AFF2: variants seen among roughly 807,000 people sequenced by gnomAD.
AFF2 encodes the protein ALF transcription elongation factor 2, also known as AF4/FMR2 family member 2.
In AFF2, 14 loss-of-function variants were observed where a neutral mutation model predicts 76.9. The ratio of observed to expected loss-of-function variants is 0.18; its 90% confidence interval spans 0.12 to 0.28. The LOEUF (loss-of-function observed/expected upper bound fraction) is 0.28, where lower values mean the gene tolerates loss of function less well. AFF2 is among the 10% of genes least tolerant of loss of function. The pLI, the probability that AFF2 is intolerant of heterozygous loss-of-function variation, is 1.00. For synonymous variants in AFF2, 398 were observed against 366.7 expected (o/e 1.09, Z -0.98); for missense variants, 868 against 1,001.1 (o/e 0.87, Z 1.79).
At chrX:148,594,580 A>T (rs782383107) in intron 1 of AFF2, among the ~76,000 whole-genome samples, 1 of 111,750 alleles carries the variant, frequency 8.9e-6, no homozygotes, top group South Asian at 3.7e-4. Flanking sequence ...AAATTTCAGA[A>T]GCTGGAAAGC....
intron 7 of AFF2, among the ~76,000 whole-genome samples, chrX:148,861,433 C>CA (rs2124055053): frequency 9.0e-6 from 1 of 111,138 alleles, no homozygotes; most frequent in Admixed American, 9.5e-5. Flanking sequence ...TGGTATTCAG[C>CA]AAAAAAGGGA....
chrX:148,584,307 CATTTTATTTTCTGTTTTGA>C (rs1440426167), intron 1 of AFF2, among the ~76,000 whole-genome samples: 2 of 111,320 alleles, frequency 1.8e-5, no homozygotes, highest in East Asian at 5.6e-4. Flanking sequence ...AAAAAAAAGT[CATTTTATTTTCTGTTTTGA>C]ATTTTATTTT....
chrX:148,813,151 C>G (rs1457825024), intron 4 of AFF2, among the ~76,000 whole-genome samples: 1 of 112,133 alleles, frequency 8.9e-6, no homozygotes, highest in Non-Finnish European at 1.9e-5. Flanking sequence ...TTCATGAAAT[C>G]GAAGTCCAGA....
At chrX:148,847,176 C>CT (rs1310387841) in intron 7 of AFF2, among the ~76,000 whole-genome samples, 1 of 112,416 alleles carries the variant, frequency 8.9e-6, no homozygotes, top group African/African-American at 3.2e-5. Context: ...AATCTTGCCA[C>CT]TTACCTGTCA....
chrX:148,501,991 G>A (rs1557231943), intron 1 of AFF2, among the ~76,000 whole-genome samples: 1 of 112,093 alleles, frequency 8.9e-6, no homozygotes, highest in African/African-American at 3.2e-5. Flanking sequence ...AGGTGACTGG[G>A]GACCTGGAAA....
chrX:148,975,943 CAAAAA>C (rs59057839), intron 16 of AFF2, among the ~76,000 whole-genome samples: 3 of 22,719 alleles, frequency 1.3e-4, no homozygotes, highest in Admixed American at 2.1e-3. Flanking sequence ...GACTCCGTCT[CAAAAA>C]AAAAAAAAAA....
rs782023988 is a variant in AFF2 at position 148,662,712 on chromosome X, A to G, written c.985A>G (p.Ser329Gly). ...SFGTLLDGKP[S>G]AASSKTKLPK... Reference sequence around the variant, plus strand: ...TGGAACACTCTTGGATGGAAAACCCAGTGCAGCCAGTTCAAAGACTAAACT... The same window carrying G: ...TGGAACACTCTTGGATGGAAAACCCGGTGCAGCCAGTTCAAAGACTAAACT... The change falls in exon 3 of 21, where the codon AGT becomes GGT. Residue 329 changes from serine (S) to glycine (G), a missense_variant. Ser to Gly is a moderately conservative substitution (Grantham distance 56). Transcript: ENST00000370460. The G allele has an allele frequency of 3.3e-6, 4 of 1,210,616 alleles. No homozygotes were observed. Among genetic ancestry groups the G allele is most frequent in the African/African-American group, 3.5e-5 (2 of 57,363 alleles).
intron 7 of AFF2, among the ~76,000 whole-genome samples, 195 bp downstream of exon 7, chrX:148,843,628 C>T (rs1232192548): frequency 4.5e-5 from 5 of 111,569 alleles, no homozygotes; most frequent in Non-Finnish European, 9.4e-5. Flanking sequence ...ACTGCTATAA[C>T]AAATACTATA....
intron 7 of AFF2, among the ~76,000 whole-genome samples, chrX:148,871,739 G>T (rs2070979158): frequency 9.0e-6 from 1 of 111,309 alleles, no homozygotes; most frequent in Non-Finnish European, 1.9e-5. Context: ...GAGGAGAAGA[G>T]TCTTTGCCCA....
At chrX:148,613,301 G>A (rs538884198) in intron 1 of AFF2, among the ~76,000 whole-genome samples, 1 of 111,823 alleles carries the variant, frequency 8.9e-6, no homozygotes, top group Non-Finnish European at 1.9e-5. Context: ...AAATGGATCC[G>A]TCTTTATGCA....
intron 4 of AFF2, among the ~76,000 whole-genome samples, chrX:148,835,891 T>C (rs933941421): frequency 9.0e-6 from 1 of 111,221 alleles, no homozygotes; most frequent in Admixed American, 9.6e-5. Flanking sequence ...GCAACCGATC[T>C]TCAGAACTTA....
chrX:148,693,577 G>T lies in AFF2; in HGVS notation c.1041+30809G>T, dbSNP rs782037595. ...TTAGTTCTTCTACCACTTCTCTCCA[G>T]AGTGGTCTGATATATGCTTCTTTTG... is the stretch of plus-strand genomic sequence containing the variant. On this transcript the variant is annotated intron_variant, in intron 3 of 20. Transcript: ENST00000370460. Among the ~76,000 whole-genome samples, 4 of 112,215 alleles carry T rather than the reference G, an allele frequency of 3.6e-5. No homozygotes were observed. In the South Asian group the frequency reaches 1.1e-3, roughly 32 times the overall value.
chrX:148,628,504 A>G (rs143714634), intron 1 of AFF2, among the ~76,000 whole-genome samples: 250 of 108,089 alleles, frequency 2.3e-3, no homozygotes, highest in Non-Finnish European at 2.5e-3. Flanking sequence ...ATGTTAGCAT[A>G]TTGGGTTACT....
intron 1 of AFF2, among the ~76,000 whole-genome samples, chrX:148,525,471 G>A (rs782545528): frequency 9.0e-6 from 1 of 111,240 alleles, no homozygotes; most frequent in South Asian, 3.8e-4. Flanking sequence ...AATAGATAAT[G>A]GTCCCATTAG....
intron 3 of AFF2, among the ~76,000 whole-genome samples, chrX:148,743,810 A>G (rs2055389731): frequency 1.8e-5 from 2 of 111,307 alleles, no homozygotes; most frequent in African/African-American, 6.5e-5. Context: ...TGAAGTCCTT[A>G]ATGGCGTCTA....
At chrX:148,507,317 T>C (rs1344956948) in intron 1 of AFF2, among the ~76,000 whole-genome samples, 1 of 112,467 alleles carries the variant, frequency 8.9e-6, no homozygotes, top group Non-Finnish European at 1.9e-5. Flanking sequence ...ATCCATGTAA[T>C]TGGCATGTTT....
At chrX:148,509,303 T>G (rs782084949) in intron 1 of AFF2, among the ~76,000 whole-genome samples, 1 of 111,886 alleles carries the variant, frequency 8.9e-6, no homozygotes, top group Non-Finnish European at 1.9e-5. Flanking sequence ...CAGAGTGAAA[T>G]GGAAATCCAG....
At chrX:148,642,768 G>C (rs902820029) in intron 1 of AFF2, among the ~76,000 whole-genome samples, 19 of 112,297 alleles carry the variant, frequency 1.7e-4, no homozygotes, top group African/African-American at 5.8e-4. Flanking sequence ...GGAAAAGGAG[G>C]AGGTGAAGGA....
rs1234785435 is a variant in AFF2, at chrX:148,779,252, T to C, written c.1042-30624T>C. Among the ~76,000 whole-genome samples the C allele has an allele frequency of 4.5e-5, 5 of 111,684 alleles. No homozygotes were observed. In the Admixed American group the frequency reaches 4.8e-4, roughly 11 times the overall value. ...TTCTTTTGCATTTGCTGAGGAGTGT[T>C]TTACTTCTATTTATGTGGTCGATTT... On this transcript the variant is annotated intron_variant, in intron 3 of 20. Transcript: ENST00000370460.
Sources: gnomAD v4.1 joint callset for allele counts (sites outside exome capture counted in the v4.1 genomes callset) on GRCh38, gnomAD v4.1.1 for gene constraint, MANE v1.5 for transcripts, NCBI Gene and HGNC (gene_info 2026-07-23, HGNC 2026-07-21) for gene names.